The following ATRX variants were observed in gnomAD, a reference collection of about 807,000 sequenced individuals.
ATRX encodes the protein ATRX chromatin remodeler, also known as chromatin remodeler ATRX.
In ATRX, 12 loss-of-function variants were observed where a neutral mutation model predicts 172.6. The observed-to-expected ratio is 0.07, with a 90% CI of 0.04 to 0.11. The LOEUF is 0.11. Ranked by LOEUF, ATRX falls within the 10% of genes least tolerant of loss-of-function variation. The probability of loss-of-function intolerance (pLI) is 1.00; values close to 1 mark genes in which losing one functional copy is unlikely to be tolerated. For synonymous variants in ATRX, 674 were observed against 594.7 expected (o/e 1.13, Z -1.94); for missense variants, 1,368 against 1,767.4 (o/e 0.77, Z 4.05).
rs1557106489 is a variant in ATRX at position 77,633,341 on chromosome X, T to C, written c.5000A>G (p.Tyr1667Cys). The part of the protein sequence containing the change: ...ATVKRPQERS[Y>C]MLQRWQEDGG... ...ATCTTCTTGCCACCTCTGCAGCATGTAGCTTCTCTCCTGAGGACGTTTCAC... is the reference window on the plus strand; with the variant it reads ...ATCTTCTTGCCACCTCTGCAGCATGCAGCTTCTCTCCTGAGGACGTTTCAC... The change falls in exon 19 of 35, where the codon TAC becomes TGC. Residue 1667 changes from tyrosine (Y) to cysteine (C), a missense_variant. Transcript: ENST00000373344. 8.3e-7 allele frequency: 1 copy of C among 1,211,377 alleles called. No homozygotes were observed.
In ATRX at chrX:77,506,020, G is replaced by C. The variant is rs2062700030; in HGVS notation, c.*2331C>G. The C allele has an allele frequency of 1.2e-5, 2 of 169,498 alleles. No homozygotes were observed. Among genetic ancestry groups the C allele is most frequent in the Non-Finnish European group, 2.3e-5 (2 of 87,888 alleles). The allele number at this position is 169,498 out of a possible 1,213,427, so 14.0% of individuals were successfully genotyped here. A position where few individuals can be genotyped will look rare whatever the true frequency, so the allele number is the denominator to read the frequency against. ...GGACTGAAACATTACTATACAACTGGGACAAAACATATACAATATCACAAT... is the reference window on the plus strand; with the variant it reads ...GGACTGAAACATTACTATACAACTGCGACAAAACATATACAATATCACAAT... On this transcript the variant is annotated 3_prime_UTR_variant, in exon 35 of 35. Transcript: ENST00000373344.
intron 30 of ATRX, among the ~76,000 whole-genome samples, chrX:77,556,024 A>AC (rs1405307782): frequency 1.9e-5 from 2 of 106,468 alleles, no homozygotes; most frequent in African/African-American, 3.4e-5. Context: ...AATAGAAAAA[A>AC]AAATTGCTGG....
intron 25 of ATRX, among the ~76,000 whole-genome samples, chrX:77,598,563 T>C (rs1375192029): frequency 8.9e-6 from 1 of 112,162 alleles, no homozygotes; most frequent in Admixed American, 9.5e-5. Flanking sequence ...TCTCTTCTCC[T>C]TATAGACAGT....
intron 1 of ATRX, among the ~76,000 whole-genome samples, chrX:77,774,453 G>A (rs1557201143): frequency 2.7e-5 from 3 of 111,041 alleles, no homozygotes; most frequent in Non-Finnish European, 1.9e-5. Context: ...CGAGGCAGGC[G>A]GATCATGAGG....
chrX:77,605,870 AAGAG>A (rs1161515731), intron 22 of ATRX, among the ~76,000 whole-genome samples: 1 of 112,096 alleles, frequency 8.9e-6, no homozygotes, highest in South Asian at 3.7e-4. Context: ...TATGAAAAAA[AAGAG>A]AGAATACCCA....
chrX:77,779,225 G>C (rs1389775569), intron 1 of ATRX, among the ~76,000 whole-genome samples: 1 of 105,692 alleles, frequency 9.5e-6, no homozygotes, highest in African/African-American at 3.5e-5. Flanking sequence ...TTACAGGTGT[G>C]AGCCACGGCG....
At chrX:77,541,066 G>A (rs781796706) in intron 30 of ATRX, among the ~76,000 whole-genome samples, 3 of 111,533 alleles carry the variant, frequency 2.7e-5, no homozygotes, top group East Asian at 2.8e-4. Context: ...TAGATAGACC[G>A]CTAGCCAGAC....
At chrX:77,638,441 C>G (rs1557109529) in intron 15 of ATRX, among the ~76,000 whole-genome samples, 1 of 112,719 alleles carries the variant, frequency 8.9e-6, no homozygotes, top group East Asian at 2.8e-4. Context: ...CCACTGCACT[C>G]TAGCCTGGGC....
intron 1 of ATRX, among the ~76,000 whole-genome samples, chrX:77,753,713 G>A (rs368283650): frequency 1.4e-4 from 16 of 111,456 alleles, no homozygotes; most frequent in African/African-American, 2.9e-4. Flanking sequence ...CCTTAATTTC[G>A]TTATTTACCA....
At position 77,693,878 on chromosome X, in the gene ATRX, G is replaced by T. The variant is rs782762156; in HGVS notation, c.430C>A (p.Pro144Thr). Reference sequence around the variant, plus strand: ...ATTTTACTTCTGCTTCTAAATTCAGGCCCTTTAAAATCATCTTTGTCTTCA... The same window carrying T: ...ATTTTACTTCTGCTTCTAAATTCAGTCCCTTTAAAATCATCTTTGTCTTCA... ...LNEDKDDFKGPEFRSRSKMKT... is the reference protein window; with the variant it reads ...LNEDKDDFKGTEFRSRSKMKT... Residue 144 changes from proline to threonine, a missense_variant, in exon 6 of 35, where the codon CCT (proline) becomes ACT (threonine). Around this residue, in one of 17 missense-constraint regions of ATRX, gnomAD observed 15 missense variants for 33.2 expected, o/e 0.45. Transcript: ENST00000373344. 1 of 1,209,753 alleles carries T rather than the reference G, an allele frequency of 8.3e-7. No individual in the cohort carries two copies. Among genetic ancestry groups the T allele is most frequent in the Non-Finnish European group, 1.1e-6 (1 of 894,421 alleles).
chrX:77,781,434 T>G (rs1403401867), intron 1 of ATRX, among the ~76,000 whole-genome samples: 1 of 83,572 alleles, frequency 1.2e-5, no homozygotes, highest in African/African-American at 4.8e-5. Flanking sequence ...ATAGTGAGAC[T>G]CTGTCTCAAA....
chrX:77,737,599 G>A (rs1967706850), intron 1 of ATRX, among the ~76,000 whole-genome samples: 2 of 110,556 alleles, frequency 1.8e-5, no homozygotes, highest in Admixed American at 1.9e-4. Context: ...ATACCTGAAA[G>A]AATAAAATTG....
At chrX:77,780,388 G>A (rs782141749) in intron 1 of ATRX, among the ~76,000 whole-genome samples, 7 of 110,472 alleles carry the variant, frequency 6.3e-5, no homozygotes, top group African/African-American at 9.9e-5. Flanking sequence ...CTGCAGTGGC[G>A]CAATCTCAGC....
chrX:77,540,460 T>C (rs1232595578), intron 30 of ATRX, among the ~76,000 whole-genome samples: 1 of 111,489 alleles, frequency 9.0e-6, no homozygotes, highest in Non-Finnish European at 1.9e-5. Flanking sequence ...CTGGACCAAA[T>C]GGACCTAAAA....
chrX:77,690,775 T>C (rs1365807157), intron 6 of ATRX: 10 of 112,545 alleles, frequency 8.9e-5, no homozygotes, highest in African/African-American at 3.2e-4. Flanking sequence ...AGAATCTGAA[T>C]GTTCATCCAG....
At chrX:77,599,152 G>A (rs1162085811) in intron 25 of ATRX, among the ~76,000 whole-genome samples, 3 of 111,682 alleles carry the variant, frequency 2.7e-5, no homozygotes, top group African/African-American at 9.7e-5. Flanking sequence ...GAAAATAATA[G>A]AGTTTAGGTA....
intron 30 of ATRX, among the ~76,000 whole-genome samples, chrX:77,538,895 A>AT (rs567391617): frequency 0.011 from 1,008 of 89,335 alleles, 12 homozygotes; most frequent in East Asian, 0.028. Context: ...ACTTTGCTCC[A>AT]TTTTTTTTTT....
At chrX:77,699,512 GT>G (rs2072385855) in intron 2 of ATRX, 1 of 111,533 alleles carries the variant, frequency 9.0e-6, no homozygotes, top group South Asian at 3.7e-4. Flanking sequence ...CAACTTACCT[GT>G]GGGGGAAGAA....
At chrX:77,621,476 A>AC (rs1177620994) in intron 19 of ATRX, among the ~76,000 whole-genome samples, 1 of 110,006 alleles carries the variant, frequency 9.1e-6, no homozygotes, top group African/African-American at 3.3e-5. Flanking sequence ...TGCCTGGCTA[A>AC]TTTTTTTGCA....
Sources: allele counts gnomAD v4.1 joint callset (sites outside exome capture counted in the v4.1 genomes callset), GRCh38; gene constraint gnomAD v4.1.1; regional missense constraint gnomAD v4.1.1; transcripts MANE v1.5; gene names NCBI Gene and HGNC (gene_info 2026-07-23, HGNC 2026-07-21).